Variants in PPP2R5A observed in about 807,000 individuals in gnomAD.
PPP2R5A encodes protein phosphatase 2 regulatory subunit B'alpha.
A neutral mutation model predicts 64.2 loss-of-function variants in PPP2R5A; 25 were observed. The ratio of observed to expected loss-of-function variants is 0.39; its 90% CI spans 0.28 to 0.54. The LOEUF (loss-of-function observed/expected upper bound fraction) is 0.54. Among genes scored for constraint, PPP2R5A ranks in the 20% least tolerant of loss-of-function variants. The pLI is 0.67. For missense variants in PPP2R5A, 425 were observed against 576.3 expected (o/e 0.74, Z 2.69); for synonymous variants, 198 against 201.2 (o/e 0.98, Z 0.13).
intron 3 of PPP2R5A, among the ~76,000 whole-genome samples, chr1:212,337,905 CTA>C (rs1022150430): frequency 1.1e-4 from 16 of 151,544 alleles, no homozygotes; most frequent in African/African-American, 3.9e-4. Context: ...ATATAGTTGA[CTA>C]TGCATTAATT....
chr1:212,309,650 C>A, intron 1 of PPP2R5A: 1 of 502,210 alleles, frequency 2.0e-6, no homozygotes, highest in East Asian at 3.6e-5. Flanking sequence ...CTACAACCTT[C>A]TTTTTTTCTG....
At chr1:212,328,167 G>A (rs531485648) in intron 1 of PPP2R5A, among the ~76,000 whole-genome samples, 2 of 152,316 alleles carry the variant, frequency 1.3e-5, no homozygotes, top group Admixed American at 6.5e-5. Flanking sequence ...TATAATTGCT[G>A]TAAAGCACAG....
intron 11 of PPP2R5A, chr1:212,357,802 C>CCAAAAA (rs1660006228): frequency 1.4e-5 from 1 of 72,320 alleles, no homozygotes; most frequent in Non-Finnish European, 3.6e-5. Flanking sequence ...GATTCCGTCT[C>CCAAAAA]CAAAAAAAAA....
At chr1:212,316,255 T>C (rs1659150533) in intron 1 of PPP2R5A, among the ~76,000 whole-genome samples, 1 of 152,146 alleles carries the variant, frequency 6.6e-6, no homozygotes, top group African/African-American at 2.4e-5. Context: ...AACAGCCAAG[T>C]TGTGAATGCA....
chr1:212,349,571 A>C (rs575230220), intron 8 of PPP2R5A, among the ~76,000 whole-genome samples: 2 of 152,284 alleles, frequency 1.3e-5, no homozygotes, highest in East Asian at 3.9e-4. Flanking sequence ...ACCTTTTGGA[A>C]TTAAAGCATA....
intron 3 of PPP2R5A, among the ~76,000 whole-genome samples, chr1:212,338,976 T>C (rs1245757995): frequency 6.6e-6 from 1 of 152,098 alleles, no homozygotes; most frequent in East Asian, 1.9e-4. Flanking sequence ...AAGAACAAAA[T>C]AATAATAAAA....
intron 1 of PPP2R5A, among the ~76,000 whole-genome samples, chr1:212,311,488 G>A (rs1048435611): frequency 6.6e-6 from 1 of 151,684 alleles, no homozygotes; most frequent in Non-Finnish European, 1.5e-5. Context: ...AGTATATATA[G>A]CATATACAAT....
intron 1 of PPP2R5A, among the ~76,000 whole-genome samples, chr1:212,322,292 A>T (rs1283333827): frequency 6.7e-6 from 1 of 148,206 alleles, no homozygotes; most frequent in African/African-American, 2.5e-5. Context: ...AGGGAGAGGG[A>T]GAGCTTCTTA....
intron 1 of PPP2R5A, chr1:212,309,617 A>G (rs1432235404): frequency 1.7e-6 from 1 of 589,688 alleles, no homozygotes; most frequent in Non-Finnish European, 3.0e-6. Context: ...AATCCAACAT[A>G]CGGTCACTCT....
Position 212,329,172 on chromosome 1 carries a change from G to A in PPP2R5A, c.219G>A (p.Gln73=). The change falls in exon 2 of 13, where the codon CAG becomes CAA. Residue 73 remains glutamine (Q), a synonymous_variant. Coordinates refer to ENST00000261461, the MANE Select transcript of PPP2R5A (RefSeq NM_006243.4). Reference sequence around the variant, plus strand: ...ATGAACAACAAGAGCTTTTCTGTCAGAAGTTGCAGCAGTGTTGTATACTGT... The same window carrying A: ...ATGAACAACAAGAGCTTTTCTGTCAAAAGTTGCAGCAGTGTTGTATACTGT... The part of the protein sequence containing the change: ...TSNEQQELFC[Q]KLQQCCILFD... 1 of 1,558,054 alleles carries A rather than the reference G, an allele frequency of 6.4e-7. No homozygotes were observed.
chr1:212,344,672 T>C (rs1441453570), intron 4 of PPP2R5A, among the ~76,000 whole-genome samples: 1 of 152,200 alleles, frequency 6.6e-6, no homozygotes, highest in Non-Finnish European at 1.5e-5. Context: ...AGTGTTTTTT[T>C]TGACAGAAGA....
Position 212,357,220 on chromosome 1 carries a change from A to G in PPP2R5A, c.1162A>G (p.Ile388Val), listed in dbSNP as rs970868939. The G allele has an allele frequency of 6.3e-7, 1 of 1,596,404 alleles. No individual in the cohort carries two copies. The highest frequency in any genetic ancestry group is 1.8e-5 in the Admixed American group (1 of 55,274). Residue 388 changes from isoleucine (I) to valine (V), a missense_variant, in exon 11 of 13, where the codon ATT becomes GTT. Coordinates refer to ENST00000261461, the MANE Select transcript of PPP2R5A (RefSeq NM_006243.4). ...EYILSLIEEN[I>V]DKILPIMFAS... ...TATTCTTAGTTTGATTGAGGAGAAC[A>G]TTGATAAAATTCTGCCAATTATGTT...
chr1:212,343,522 C>CT (rs1659722946), intron 4 of PPP2R5A, among the ~76,000 whole-genome samples: 1 of 152,214 alleles, frequency 6.6e-6, no homozygotes, highest in African/African-American at 2.4e-5. Context: ...ATAAAGTATT[C>CT]TGACCTGTTG....
chr1:212,330,044 G>T (rs1406435822), intron 2 of PPP2R5A, among the ~76,000 whole-genome samples: 5 of 152,114 alleles, frequency 3.3e-5, no homozygotes, highest in Admixed American at 3.3e-4. Context: ...CGCTTTAATT[G>T]AAAGTCAGGA....
At chr1:212,331,822 C>T (rs1659510821) in intron 2 of PPP2R5A, 1 of 152,000 alleles carries the variant, frequency 6.6e-6, no homozygotes, top group Non-Finnish European at 1.5e-5. Flanking sequence ...TGTGTTGTTG[C>T]TTTCTTAAAT....
rs1659542648 is a variant in PPP2R5A, at chr1:212,333,488, TC to T, written c.379-8del. The T allele has an allele frequency of 8.8e-6, 13 of 1,476,762 alleles. No individual in the cohort carries two copies. In the East Asian group the frequency reaches 3.1e-4, roughly 35 times the overall value. 91.5% of individuals were successfully genotyped at this position (1,476,762 alleles called of 1,614,324 possible). A position where few individuals can be genotyped will look rare whatever the true frequency, so the allele number is the denominator to read the frequency against. Reference sequence around the variant, plus strand: ...CAACAACGAACGTAAAATTATTTTTTCTTTACAGATCAGTGCTAACATCTTC... The same window carrying T: ...CAACAACGAACGTAAAATTATTTTTTTTTACAGATCAGTGCTAACATCTTC... On this transcript the variant is annotated splice_polypyrimidine_tract_variant and splice_region_variant and intron_variant, in intron 2 of 12. Coordinates refer to ENST00000261461, the MANE Select transcript of PPP2R5A (RefSeq NM_006243.4).
At chr1:212,326,564 T>G (rs1659411190) in intron 1 of PPP2R5A, among the ~76,000 whole-genome samples, 1 of 152,186 alleles carries the variant, frequency 6.6e-6, no homozygotes, top group Non-Finnish European at 1.5e-5. Flanking sequence ...GCCACCACAC[T>G]CTAGCCTGGG....
In PPP2R5A at chr1:212,286,232, C is replaced by T. The variant is rs1240627208; in HGVS notation, c.122C>T (p.Ser41Leu). Residue 41 changes from serine (S) to leucine (L), a missense_variant, in exon 1 of 13, where the codon TCG (serine) becomes TTG (leucine). Physicochemically the swap from Ser to Leu is moderately radical, Grantham distance 145. Around this residue, in one of 4 missense-constraint regions of PPP2R5A, gnomAD observed 104 missense variants for 95.7 expected, o/e 1.09. Coordinates refer to ENST00000261461, the MANE Select transcript of PPP2R5A (RefSeq NM_006243.4). ...KAQRQKRSQG[S>L]SQFRSQGSQA... ...CAGAGGCAGAAGCGCTCCCAGGGCT[C>T]GTCGCAGTTTCGCAGCCAGGGCAGC... The T allele has an allele frequency of 6.4e-7, 1 of 1,565,150 alleles. No homozygotes were observed. The highest frequency in any genetic ancestry group is 8.6e-7 in the Non-Finnish European group (1 of 1,156,836).
intron 1 of PPP2R5A, among the ~76,000 whole-genome samples, chr1:212,321,423 T>G (rs1169463321): frequency 3.1e-4 from 44 of 142,416 alleles, no homozygotes; most frequent in East Asian, 8.4e-4. Context: ...CGCTCCTCAC[T>G]TCCCAGACGG....
Sources: gnomAD v4.1 joint callset for allele counts (sites outside exome capture counted in the v4.1 genomes callset) on GRCh38, gnomAD v4.1.1 for gene constraint, gnomAD v4.1.1 regional missense constraint, MANE v1.5 for transcripts, NCBI Gene and HGNC (gene_info 2026-07-23, HGNC 2026-07-21) for gene names.